Variants in PARD3B observed in about 807,000 individuals in gnomAD.
The protein encoded by PARD3B is par-3 family cell polarity regulator beta, also known as partitioning defective 3 homolog B.
Under a neutral mutation model 130.2 loss-of-function variants are expected in PARD3B, and 103 were observed. The ratio of observed to expected loss-of-function variants is 0.79; its 90% CI spans 0.67 to 0.93. PARD3B has a LOEUF of 0.93. PARD3B is among the 40% of genes least tolerant of loss of function. The pLI is 0.00. For missense variants in PARD3B, 1,609 were observed against 1,499.2 expected, an observed-to-expected ratio of 1.07 and a Z score of -1.21; for synonymous variants, 583 against 553.2, an observed-to-expected ratio of 1.05 and a Z score of -0.76.
At chr2:205,361,482 T>C (rs1031060765) in intron 18 of PARD3B, among the ~76,000 whole-genome samples, 1 of 152,172 alleles carries the variant, frequency 6.6e-6, no homozygotes, top group South Asian at 2.1e-4. Flanking sequence ...CACCCTTTTA[T>C]AGCTCTGAGC....
intron 3 of PARD3B, among the ~76,000 whole-genome samples, chr2:205,046,252 G>C (rs1241966399): frequency 1.4e-5 from 2 of 146,030 alleles, no homozygotes; most frequent in Non-Finnish European, 3.0e-5. Flanking sequence ...TACTCTTCTT[G>C]TTTTTTTTTT....
intron 10 of PARD3B, among the ~76,000 whole-genome samples, chr2:205,136,083 T>G (rs1429236010): frequency 6.6e-6 from 1 of 152,086 alleles, no homozygotes; most frequent in Non-Finnish European, 1.5e-5. Flanking sequence ...TTGAGTTATA[T>G]GAAGGACTTC....
intron 18 of PARD3B, among the ~76,000 whole-genome samples, chr2:205,324,702 T>A (rs2042878902): frequency 6.6e-6 from 1 of 152,088 alleles, no homozygotes; most frequent in African/African-American, 2.4e-5. Context: ...TTCATCTTAT[T>A]AAAAGTTGTC....
intron 2 of PARD3B, among the ~76,000 whole-genome samples, chr2:204,772,533 G>A (rs1005651309): frequency 6.6e-6 from 1 of 152,008 alleles, no homozygotes; most frequent in African/African-American, 2.4e-5. Flanking sequence ...TGACTCCTCA[G>A]CAACAATTCA....
rs1553645977 is a variant in PARD3B at position 205,238,849 on chromosome 2, A to ATATATAT, written c.2141-6929_2141-6928insTATATAT. On this transcript the variant is annotated intron_variant, in intron 15 of 22. Transcript: ENST00000406610. ...AAACTCCGTTTCAAAAAAAAAAAAA[A>ATATATAT]ATATATATATATATATATATATATA... Among the ~76,000 whole-genome samples the ATATATAT allele has an allele frequency of 1.7e-3, 133 of 76,898 alleles. 1 individual carries two copies. The highest frequency in any genetic ancestry group is 6.7e-3 in the East Asian group (12 of 1,792). The allele number at this position is 76,898 out of a possible 152,430, so 50.4% of individuals were successfully genotyped here.
intron 20 of PARD3B, among the ~76,000 whole-genome samples, chr2:205,444,191 C>G (rs1238340255): frequency 1.3e-5 from 2 of 152,196 alleles, no homozygotes; most frequent in African/African-American, 4.8e-5. Context: ...CCACGTTGAC[C>G]AGGCTGGTCT....
intron 3 of PARD3B, among the ~76,000 whole-genome samples, chr2:205,005,995 AT>A: frequency 1.3e-5 from 2 of 152,154 alleles, no homozygotes; most frequent in Non-Finnish European, 2.9e-5. Context: ...CCCGAAGTTC[AT>A]TATATTAGTC....
rs185648955 is a variant in PARD3B, at chr2:205,412,761, C to T, written c.2741+11638C>T. 1.1e-4 allele frequency among the ~76,000 whole-genome samples: 17 copies of T among 152,274 alleles called. No homozygotes were observed. In the South Asian group the frequency reaches 3.1e-3, roughly 28 times the overall value. On this transcript the variant is annotated intron_variant, in intron 19 of 22. Coordinates refer to ENST00000406610, the MANE Select transcript of PARD3B (RefSeq NM_001302769.2). The stretch of plus-strand genomic sequence containing the variant: ...TACCATTTCTGCTGTCTGGAATGCT[C>T]TTCTGTCTGAGTTGGTCCGAATGAA...
chr2:204,726,714 T>A (rs1023500404), intron 2 of PARD3B, among the ~76,000 whole-genome samples: 1 of 152,222 alleles, frequency 6.6e-6, no homozygotes, highest in Non-Finnish European at 1.5e-5. Flanking sequence ...TACCCAAGGC[T>A]AATTTTCATA....
intron 2 of PARD3B, among the ~76,000 whole-genome samples, chr2:204,787,476 G>A (rs1018702991): frequency 6.6e-6 from 1 of 152,142 alleles, no homozygotes; most frequent in African/African-American, 2.4e-5. Context: ...GGCAATTCTG[G>A]AAGGCAGTCT....
At chr2:204,861,213 TC>T (rs2045184008) in intron 2 of PARD3B, among the ~76,000 whole-genome samples, 2 of 128,012 alleles carry the variant, frequency 1.6e-5, no homozygotes, top group Admixed American at 8.4e-5. Context: ...TCTCTCTCTC[TC>T]GTACCTCTTA....
At chr2:205,225,367 A>G (rs945827828) in intron 15 of PARD3B, among the ~76,000 whole-genome samples, 3 of 152,168 alleles carry the variant, frequency 2.0e-5, no homozygotes, top group African/African-American at 7.2e-5. Context: ...AATGATGTTG[A>G]GCACCTTTTA....
intron 3 of PARD3B, among the ~76,000 whole-genome samples, chr2:204,994,347 C>T (rs1329668357): frequency 2.1e-5 from 2 of 95,828 alleles, no homozygotes; most frequent in Non-Finnish European, 4.2e-5. Context: ...ACCCAGTAGT[C>T]ATTCAGGAGC....
At position 204,988,444 on chromosome 2, in the gene PARD3B, A is replaced by G. The variant is rs572720742; in HGVS notation, c.394+23121A>G. ...GACTATGACACACAACATGGTGACT[A>G]TAGTCAATAATAATGTAATTGTACA... On this transcript the variant is annotated intron_variant, in intron 3 of 22. Transcript: ENST00000406610. Among the ~76,000 whole-genome samples, 5 of 152,326 alleles carry G rather than the reference A, an allele frequency of 3.3e-5. No individual in the cohort carries two copies. The East Asian group carries it at 9.6e-4, about 29-fold the overall frequency.
At chr2:204,582,013 G>A (rs1446057481) in intron 1 of PARD3B, among the ~76,000 whole-genome samples, 1 of 152,128 alleles carries the variant, frequency 6.6e-6, no homozygotes, top group African/African-American at 2.4e-5. Context: ...TGTATTAATG[G>A]TTTGGCATGC....
chr2:205,162,377 G>A (rs1356133776), intron 11 of PARD3B, among the ~76,000 whole-genome samples: 1 of 152,208 alleles, frequency 6.6e-6, no homozygotes, highest in East Asian at 1.9e-4. Context: ...CCCCTCTGAA[G>A]CATAACTTGT....
chr2:205,047,551 T>G, intron 3 of PARD3B, 30 bp from the exon 4 acceptor site: 2 of 1,469,374 alleles, frequency 1.4e-6, no homozygotes, highest in Non-Finnish European at 1.9e-6. Flanking sequence ...AGGGTTCTTT[T>G]GACCTCTCAC....
chr2:204,578,273 C>T (rs1221624952), intron 1 of PARD3B, among the ~76,000 whole-genome samples: 2 of 152,172 alleles, frequency 1.3e-5, no homozygotes, highest in Non-Finnish European at 2.9e-5. Flanking sequence ...TAGGGAGCGT[C>T]TTGGCTTTGA....
At chr2:204,748,333 C>T (rs989128802) in intron 2 of PARD3B, among the ~76,000 whole-genome samples, 3 of 152,192 alleles carry the variant, frequency 2.0e-5, no homozygotes, top group Non-Finnish European at 4.4e-5. Context: ...ATTTCTTCAA[C>T]TAAGAGTTCA....
Sources: allele counts gnomAD v4.1 joint callset (sites outside exome capture counted in the v4.1 genomes callset), GRCh38; gene constraint gnomAD v4.1.1; transcripts MANE v1.5; gene names NCBI Gene and HGNC (gene_info 2026-07-23, HGNC 2026-07-21).